The following HDAC9 variants were observed in gnomAD, a reference collection of about 807,000 sequenced individuals.
The protein encoded by HDAC9 is histone deacetylase 9.
In HDAC9, 41 loss-of-function variants were observed where a neutral mutation model predicts 139.4. The observed-to-expected ratio is 0.29, with a 90% CI of 0.23 to 0.38. The LOEUF (loss-of-function observed/expected upper bound fraction) is 0.38. Among genes scored for constraint, HDAC9 ranks in the 10% least tolerant of loss-of-function variants. The pLI, the probability that HDAC9 is intolerant of heterozygous loss-of-function variation, is 1.00. For missense variants in HDAC9, 1,147 were observed against 1,297.0 expected (o/e 0.88, Z 1.78); for synonymous variants, 517 against 476.2 (o/e 1.09, Z -1.12).
At chr7:18,506,347 C>T (rs1215752312) in intron 2 of HDAC9, among the ~76,000 whole-genome samples, 1 of 152,142 alleles carries the variant, frequency 6.6e-6, no homozygotes, top group African/African-American at 2.4e-5. Context: ...ACAAGAGACA[C>T]ACAGGGTTTA....
intron 25 of HDAC9, among the ~76,000 whole-genome samples, chr7:18,993,523 T>C (rs1786176489): frequency 6.6e-6 from 1 of 152,174 alleles, no homozygotes. Flanking sequence ...GAATTGAGGC[T>C]AGACATGGTG....
intron 17 of HDAC9, among the ~76,000 whole-genome samples, chr7:18,819,853 A>C (rs1267190967): frequency 1.3e-5 from 2 of 152,244 alleles, no homozygotes; most frequent in Non-Finnish European, 2.9e-5. Context: ...GTCACCATTA[A>C]GTTGACTGAA....
At chr7:18,095,171 T>C (rs2128063207) in intron 1 of HDAC9, among the ~76,000 whole-genome samples, 1 of 152,182 alleles carries the variant, frequency 6.6e-6, no homozygotes, top group East Asian at 1.9e-4. Context: ...CTGCCCTACT[T>C]TTTCACTGGG....
At chr7:18,356,050 A>C (rs1382628793) in intron 1 of HDAC9, among the ~76,000 whole-genome samples, 2 of 152,156 alleles carry the variant, frequency 1.3e-5, no homozygotes, top group Non-Finnish European at 2.9e-5. Context: ...GTACCCTTTA[A>C]ATGACCAAAT....
At chr7:18,105,566 C>T (rs964310423) in intron 1 of HDAC9, among the ~76,000 whole-genome samples, 2 of 135,536 alleles carry the variant, frequency 1.5e-5, no homozygotes, top group East Asian at 4.3e-4. Context: ...TCATCTACAT[C>T]TAGGATGCTT....
rs1181498007 is a variant in HDAC9, at chr7:18,105,889, A to T, written c.-97+18676A>T. ...TGTAGTTGCACAATGGCATATTACT[A>T]GGTAATCAAAAAGGAATGAAGCAGT... On this transcript the variant is annotated intron_variant, in intron 1 of 12. Transcript: ENST00000417496. Among the ~76,000 whole-genome samples, 3 of 152,230 alleles carry T rather than the reference A, an allele frequency of 2.0e-5. No homozygotes were observed. The East Asian group carries it at 5.8e-4, about 29-fold the overall frequency.
At chr7:18,708,456 T>C (rs1478017761) in intron 12 of HDAC9, among the ~76,000 whole-genome samples, 1 of 152,216 alleles carries the variant, frequency 6.6e-6, no homozygotes, top group African/African-American at 2.4e-5. Context: ...GTGAGACTGA[T>C]CATAACTTGC....
At chr7:18,365,372 G>A (rs181717184) in intron 1 of HDAC9, among the ~76,000 whole-genome samples, 150 of 152,222 alleles carry the variant, frequency 9.9e-4, no homozygotes, top group Non-Finnish European at 6.8e-4. Flanking sequence ...TGTATGTCAT[G>A]AGCAGTTCCT....
chr7:18,861,556 CACAG>C (rs1221425815), intron 21 of HDAC9, among the ~76,000 whole-genome samples: 2 of 152,084 alleles, frequency 1.3e-5, no homozygotes, highest in Non-Finnish European at 2.9e-5. Context: ...ATACTATTCT[CACAG>C]ACAATGTCCC....
rs1830978863 is a variant in HDAC9 at position 18,591,537 on chromosome 7, T to C, written c.437T>C (p.Val146Ala). 6.3e-7 allele frequency: 1 copy of C among 1,598,710 alleles called. No individual in the cohort carries two copies. Among genetic ancestry groups the C allele is most frequent in the Admixed American group, 1.7e-5 (1 of 57,372 alleles). The change falls in exon 5 of 26, where the codon GTA (valine) becomes GCA (alanine). Residue 146 changes from valine to alanine, a missense_variant. Val to Ala is a moderately conservative substitution (Grantham distance 64). Transcript: ENST00000686413. ...GRERAVASTE[V>A]KQKLQEFLLS... ...TCAGGGGCAGTGGCAAGTACAGAAG[T>C]AAAGCAGAAGCTTCAAGAGTTCCTA...
intron 22 of HDAC9, among the ~76,000 whole-genome samples, chr7:18,899,888 C>A (rs572081121): frequency 1.3e-5 from 2 of 152,060 alleles, no homozygotes; most frequent in Non-Finnish European, 2.9e-5. Context: ...CAGAAAAATT[C>A]AAATTTCTAT....
At chr7:18,926,930 G>C (rs955574242) in intron 22 of HDAC9, among the ~76,000 whole-genome samples, 5 of 152,058 alleles carry the variant, frequency 3.3e-5, no homozygotes, top group Admixed American at 1.3e-4. Context: ...AGGGCTGCTT[G>C]GAATAAGCCA....
chr7:18,666,296 G>A lies in HDAC9; in HGVS notation c.1551G>A (p.Ala517=), dbSNP rs370092099. The change falls in exon 12 of 26, where the codon GCG becomes GCA. Residue 517 remains alanine (A), a synonymous_variant. Coordinates refer to ENST00000686413, the MANE Select transcript of HDAC9 (RefSeq NM_178425.4). ...AGGAAGAGCTTCAGGGGGACCAGGCGATGCAGGAAGACAGAGCGCCCTCTA... is the reference window on the plus strand; with the variant it reads ...AGGAAGAGCTTCAGGGGGACCAGGCAATGCAGGAAGACAGAGCGCCCTCTA... The part of the protein sequence containing the change: ...EAEEELQGDQ[A]MQEDRAPSSG... The A allele has an allele frequency of 7.4e-6, 12 of 1,613,460 alleles. No homozygotes were observed. Among genetic ancestry groups the A allele is most frequent in the East Asian group, 2.2e-5 (1 of 44,786 alleles).
chr7:18,525,117 C>T (rs1806398851), intron 2 of HDAC9, among the ~76,000 whole-genome samples: 1 of 151,712 alleles, frequency 6.6e-6, no homozygotes, highest in African/African-American at 2.4e-5. Context: ...TCAGTAAAGC[C>T]TCATAGATTT....
intron 24 of HDAC9, among the ~76,000 whole-genome samples, chr7:18,974,395 C>T (rs749678172): frequency 6.6e-6 from 1 of 152,294 alleles, no homozygotes; most frequent in South Asian, 2.1e-4. Flanking sequence ...GGGCATTTTA[C>T]ACACAGAATT....
intron 1 of HDAC9, among the ~76,000 whole-genome samples, chr7:18,094,570 C>T (rs1225585592): frequency 1.1e-5 from 1 of 91,020 alleles, no homozygotes; most frequent in East Asian, 3.4e-4. Flanking sequence ...AGCTAGGACT[C>T]ACAGGCTCAT....
At chr7:18,212,824 A>G (rs181313400) in intron 2 of HDAC9, among the ~76,000 whole-genome samples, 1 of 152,310 alleles carries the variant, frequency 6.6e-6, no homozygotes, top group African/African-American at 2.4e-5. Flanking sequence ...TTTCCTAATC[A>G]AAGTGGTTGT....
chr7:18,895,700 A>G (rs971777776), intron 22 of HDAC9, among the ~76,000 whole-genome samples: 1 of 152,130 alleles, frequency 6.6e-6, no homozygotes, highest in African/African-American at 2.4e-5. Context: ...AAAAAACAGC[A>G]GGGCAGCATG....
chr7:18,801,179 T>C (rs1562951427), intron 17 of HDAC9, among the ~76,000 whole-genome samples: 1 of 152,134 alleles, frequency 6.6e-6, no homozygotes, highest in Non-Finnish European at 1.5e-5. Context: ...GTGAGTATTC[T>C]TGTGTCTTTC....
Sources: gnomAD v4.1 joint callset for allele counts (sites outside exome capture counted in the v4.1 genomes callset) on GRCh38, gnomAD v4.1.1 for gene constraint, MANE v1.5 for transcripts, NCBI Gene and HGNC (gene_info 2026-07-23, HGNC 2026-07-21) for gene names.